The following BTG4 variants were observed in gnomAD, a reference collection of about 807,000 sequenced individuals.
BTG4 encodes protein BTG4.
In BTG4, 10 loss-of-function variants were observed where a neutral mutation model predicts 19.3. The observed-to-expected ratio is 0.52, with a 90% CI of 0.32 to 0.88. The LOEUF (loss-of-function observed/expected upper bound fraction) is 0.88. Among genes scored for constraint, BTG4 ranks in the 40% least tolerant of loss-of-function variants. BTG4 has a pLI of 0.04. For synonymous variants in BTG4, 91 were observed against 95.7 expected (o/e 0.95, Z 0.29); for missense variants, 238 against 281.9 (o/e 0.84, Z 1.11).
At chr11:111,476,985 T>A (rs1181593276) in intron 5 of BTG4, among the ~76,000 whole-genome samples, 2 of 152,132 alleles carry the variant, frequency 1.3e-5, no homozygotes, top group Admixed American at 6.5e-5. Context: ...CAAGACTATT[T>A]AGGATAGTTA....
chr11:111,489,620 T>C (rs1789350), intron 5 of BTG4, among the ~76,000 whole-genome samples: 142,433 of 152,250 alleles, frequency 0.94, 67,386 homozygotes, highest in East Asian at 1. Context: ...GAATAAAATC[T>C]TTCATAAAAA....
chr11:111,462,820 A>C (rs1404459423), downstream of BTG4: 1 of 152,640 alleles, frequency 6.6e-6, no homozygotes, highest in Non-Finnish European at 1.5e-5. Flanking sequence ...GCAAAGCAGG[A>C]ATCAGAGCCC....
chr11:111,491,618 C>T (rs1383761497), downstream of BTG4, among the ~76,000 whole-genome samples: 1 of 151,522 alleles, frequency 6.6e-6, no homozygotes, highest in Admixed American at 6.6e-5. Context: ...TGCCTGTAGT[C>T]CCAGCTACTC....
chr11:111,422,003 G>T, the BTG4 span, among the ~76,000 whole-genome samples: 1 of 152,064 alleles, frequency 6.6e-6, no homozygotes, highest in Non-Finnish European at 1.5e-5. Context: ...GGGCCCAGAA[G>T]TTGCTGGAGA....
the BTG4 span, among the ~76,000 whole-genome samples, chr11:111,424,649 C>T: frequency 6.6e-6 from 1 of 152,172 alleles, no homozygotes; most frequent in Admixed American, 6.5e-5. Context: ...GTCACTTAAG[C>T]ATTTGTTTAT....
chr11:111,426,385 A>C, the BTG4 span, among the ~76,000 whole-genome samples: 1 of 152,208 alleles, frequency 6.6e-6, no homozygotes, highest in Admixed American at 6.5e-5. Context: ...GTGTCTCCAA[A>C]GCTCTTTGGA....
the BTG4 span, chr11:111,385,124 T>C: frequency 6.6e-6 from 1 of 152,162 alleles, no homozygotes; most frequent in Non-Finnish European, 1.5e-5. Context: ...AGTTAAACTT[T>C]TAAACATTCT....
the BTG4 span, among the ~76,000 whole-genome samples, chr11:111,413,411 T>C: frequency 6.6e-6 from 1 of 152,272 alleles, no homozygotes; most frequent in African/African-American, 2.4e-5. Flanking sequence ...TGCTTTGGCA[T>C]GGGCCTTGGT....
At chr11:111,441,576 G>A in the BTG4 span, among the ~76,000 whole-genome samples, 1 of 152,148 alleles carries the variant, frequency 6.6e-6, no homozygotes, top group African/African-American at 2.4e-5. Context: ...CTGCTCTTGG[G>A]CTGTTTATAA....
At chr11:111,406,347 G>C in the BTG4 span, among the ~76,000 whole-genome samples, 2 of 152,202 alleles carry the variant, frequency 1.3e-5, no homozygotes, top group African/African-American at 4.8e-5. Flanking sequence ...TGGAGTCGGG[G>C]ATGAGTGGAT....
chr11:111,394,936 G>C, the BTG4 span, among the ~76,000 whole-genome samples: 1 of 152,198 alleles, frequency 6.6e-6, no homozygotes, highest in Non-Finnish European at 1.5e-5. Context: ...TCTATGAGGT[G>C]TCATATCCAT....
the BTG4 span, among the ~76,000 whole-genome samples, chr11:111,443,557 T>C: frequency 1.3e-5 from 2 of 152,092 alleles, no homozygotes. Flanking sequence ...TATCAGCACA[T>C]TCTAGGAAAA....
At chr11:111,474,405 T>G (rs1015005686) in intron 5 of BTG4, among the ~76,000 whole-genome samples, 2 of 152,152 alleles carry the variant, frequency 1.3e-5, no homozygotes, top group Admixed American at 6.5e-5. Context: ...TAGTTTTCGC[T>G]TATTCATGAA....
the BTG4 span, among the ~76,000 whole-genome samples, chr11:111,388,308 G>T: frequency 0.021 from 3,194 of 151,020 alleles, 132 homozygotes; most frequent in African/African-American, 0.073. Flanking sequence ...TTGGTTGGTT[G>T]GTTGGTTGGT....
At chr11:111,455,770 C>T in the BTG4 span, 2 of 449,562 alleles carry the variant, frequency 4.4e-6, no homozygotes, top group South Asian at 3.1e-5. Flanking sequence ...AGTTCCCCAG[C>T]TGGACACGGT....
rs1866160897 is a variant in BTG4, at chr11:111,502,539, T to G, written c.-26-3737A>C. 2.0e-5 allele frequency among the ~76,000 whole-genome samples: 3 copies of G among 152,340 alleles called. 1 individual carries two copies. Among genetic ancestry groups the G allele is most frequent in the Non-Finnish European group, 4.4e-5 (3 of 68,028 alleles). ...CTTTTGCAAAGATTATTTTTTAAAA[T>G]TTATGTTACAAGGGACAAAGCTGAA... On this transcript the variant is annotated intron_variant, in intron 1 of 4. Transcript: ENST00000692032.
chr11:111,425,344 C>A, the BTG4 span, among the ~76,000 whole-genome samples: 1 of 152,018 alleles, frequency 6.6e-6, no homozygotes, highest in Non-Finnish European at 1.5e-5. Context: ...TAAACACATA[C>A]ACAAAAGACA....
At chr11:111,458,060 T>A in the BTG4 span, 2 of 152,808 alleles carry the variant, frequency 1.3e-5, no homozygotes, top group Non-Finnish European at 2.9e-5. Flanking sequence ...GCTTCAGCCG[T>A]GCCAGGAGAG....
intron 1 of BTG4, among the ~76,000 whole-genome samples, chr11:111,501,410 G>C (rs1301461312): frequency 1.3e-5 from 2 of 152,134 alleles, no homozygotes; most frequent in Non-Finnish European, 2.9e-5. Flanking sequence ...GAAGAACTGA[G>C]ATGAAATACA....
Sources: gnomAD v4.1 joint callset for allele counts (sites outside exome capture counted in the v4.1 genomes callset) on GRCh38, gnomAD v4.1.1 for gene constraint, MANE v1.5 for transcripts, NCBI Gene and HGNC (gene_info 2026-07-23, HGNC 2026-07-21) for gene names.